The following MTSS1 variants were observed in gnomAD, a reference collection of about 807,000 sequenced individuals.
MTSS1 encodes protein MTSS 1.
Under a neutral mutation model 79.0 loss-of-function variants are expected in MTSS1, and 18 were observed. The observed-to-expected ratio is 0.23, with a 90% CI of 0.16 to 0.34. The LOEUF is 0.34. MTSS1 is among the 10% of genes least tolerant of loss of function. MTSS1 has a pLI of 1.00. For missense variants in MTSS1, 815 were observed against 986.2 expected, an observed-to-expected ratio of 0.83 and a Z score of 2.33; for synonymous variants, 341 against 368.6, an observed-to-expected ratio of 0.93 and a Z score of 0.86.
rs1451315239 is a variant in MTSS1, at chr8:124,582,518, G to A, written c.460+2569C>T. Among the ~76,000 whole-genome samples the A allele has an allele frequency of 6.6e-6, 1 of 151,782 alleles. No homozygotes were observed. The highest frequency in any genetic ancestry group is 1.5e-5 in the Non-Finnish European group (1 of 67,940). On this transcript the variant is annotated intron_variant, in intron 6 of 13. Transcript: ENST00000518547. This position sits in a 1 kb window ranked among gnomAD's most constrained non-coding sequence, Gnocchi z 4.8. ...GAGAATTTTTAGATCAAAGATCAGA[G>A]TTTTTGAAAAAGGCATGGCAGGAAG...
At chr8:124,704,782 C>A (rs1830168652) in intron 1 of MTSS1, among the ~76,000 whole-genome samples, 1 of 152,212 alleles carries the variant, frequency 6.6e-6, no homozygotes, top group South Asian at 2.1e-4. Flanking sequence ...TATTATCAGC[C>A]ACCCTGTCCT....
chr8:124,558,943 CAGAG>C (rs1824647724), intron 10 of MTSS1: 8 of 1,363,844 alleles, frequency 5.9e-6, no homozygotes, highest in African/African-American at 2.9e-5. Flanking sequence ...AGGGCACACA[CAGAG>C]AGAAAGAGAC....
At chr8:124,704,521 A>C (rs1404796381) in intron 1 of MTSS1, among the ~76,000 whole-genome samples, 1 of 152,210 alleles carries the variant, frequency 6.6e-6, no homozygotes, top group African/African-American at 2.4e-5. Flanking sequence ...CCACTTGTTC[A>C]TGAAACATGG....
chr8:124,611,634 G>C (rs1835842593), intron 3 of MTSS1, among the ~76,000 whole-genome samples: 1 of 152,140 alleles, frequency 6.6e-6, no homozygotes, highest in South Asian at 2.1e-4. Flanking sequence ...GCATCTTTCA[G>C]TAATCACTCC....
chr8:124,667,410 C>A (rs920375284), intron 3 of MTSS1, among the ~76,000 whole-genome samples: 2 of 151,732 alleles, frequency 1.3e-5, no homozygotes, highest in African/African-American at 2.4e-5. Context: ...TTCGGGAGGC[C>A]GAGGCGGGTG....
intron 4 of MTSS1, among the ~76,000 whole-genome samples, chr8:124,590,505 G>T (rs757796429): frequency 6.6e-6 from 1 of 152,224 alleles, no homozygotes; most frequent in African/African-American, 2.4e-5. Context: ...TTCTCGAGCT[G>T]CACTGCCAGC....
intron 10 of MTSS1, among the ~76,000 whole-genome samples, chr8:124,559,486 A>T (rs1261111233): frequency 6.6e-6 from 1 of 152,152 alleles, no homozygotes; most frequent in Non-Finnish European, 1.5e-5. Flanking sequence ...TGGTCAGCAC[A>T]ATGTTTCTGG....
intron 5 of MTSS1, among the ~76,000 whole-genome samples, chr8:124,587,643 C>T (rs754907672): frequency 1.3e-5 from 2 of 152,112 alleles, no homozygotes; most frequent in African/African-American, 2.4e-5. Context: ...GGATTACAGG[C>T]GCATGCCACC....
intron 3 of MTSS1, among the ~76,000 whole-genome samples, chr8:124,682,030 A>G (rs2134995923): frequency 6.6e-6 from 1 of 152,350 alleles, no homozygotes. Flanking sequence ...TACAGATGAG[A>G]AAACAGGTAC....
chr8:124,583,112 C>T lies in MTSS1; in HGVS notation c.460+1975G>A, dbSNP rs58414149. On this transcript the variant is annotated intron_variant, in intron 6 of 13. Coordinates refer to ENST00000518547, the MANE Select transcript of MTSS1 (RefSeq NM_014751.6). The stretch of plus-strand genomic sequence containing the variant: ...TCCAAGCTATGGATCTGACCGATCT[C>T]GTGGACCTAAGTCCACCGTGTGGAA... Among the ~76,000 whole-genome samples the T allele has an allele frequency of 1.9e-3, 295 of 152,296 alleles. 4 individuals carry two copies. The East Asian group carries it at 0.051, about 26-fold the overall frequency.
At chr8:124,652,522 T>C (rs1485668826) in intron 3 of MTSS1, among the ~76,000 whole-genome samples, 6 of 152,056 alleles carry the variant, frequency 3.9e-5, no homozygotes, top group Non-Finnish European at 7.4e-5. Context: ...CAAGCCACAA[T>C]GTAAGCCACA....
At chr8:124,569,515 C>G (rs897300304) in intron 6 of MTSS1, among the ~76,000 whole-genome samples, 6 of 152,174 alleles carry the variant, frequency 3.9e-5, no homozygotes, top group African/African-American at 1.4e-4. Context: ...GCAGCTACTA[C>G]AAATCTGATC....
At chr8:124,723,488 G>A (rs1203401861) in intron 1 of MTSS1, among the ~76,000 whole-genome samples, 1 of 136,852 alleles carries the variant, frequency 7.3e-6, no homozygotes, top group African/African-American at 2.8e-5. Flanking sequence ...TGACTAAATA[G>A]TAAAGGGTTT....
At chr8:124,655,529 T>A (rs1220052291) in intron 3 of MTSS1, among the ~76,000 whole-genome samples, 3 of 152,222 alleles carry the variant, frequency 2.0e-5, no homozygotes, top group Non-Finnish European at 4.4e-5. Context: ...AATAGTCATC[T>A]GGCACCACGC....
At chr8:124,558,612 AT>A in intron 10 of MTSS1, 1 of 1,404,436 alleles carries the variant, frequency 7.1e-7, no homozygotes, top group Non-Finnish European at 9.3e-7. Context: ...CTTGGTGTCG[AT>A]TCTGAGCTTC....
chr8:124,649,712 C>T (rs1819613503), intron 3 of MTSS1, among the ~76,000 whole-genome samples: 1 of 152,124 alleles, frequency 6.6e-6, no homozygotes. Flanking sequence ...ACTGCTATGA[C>T]CTCGAAAAGA....
At chr8:124,557,110 G>A (rs1031965820) in intron 11 of MTSS1, among the ~76,000 whole-genome samples, 10 of 152,154 alleles carry the variant, frequency 6.6e-5, no homozygotes, top group African/African-American at 2.2e-4. Context: ...TTCAAAGTTC[G>A]TCTTTATATT....
intron 5 of MTSS1, among the ~76,000 whole-genome samples, chr8:124,585,982 T>G (rs1193764706): frequency 6.6e-6 from 1 of 152,092 alleles, no homozygotes; most frequent in Non-Finnish European, 1.5e-5. Context: ...ATGAATCCTG[T>G]GGCTAGATAC....
chr8:124,688,807 A>C (rs1827454037), intron 3 of MTSS1, among the ~76,000 whole-genome samples: 1 of 152,192 alleles, frequency 6.6e-6, no homozygotes, highest in Non-Finnish European at 1.5e-5. Context: ...GAAATCACGC[A>C]ATAGAAAACC....
Sources: gnomAD v4.1 joint callset for allele counts (sites outside exome capture counted in the v4.1 genomes callset) on GRCh38, gnomAD v4.1.1 for gene constraint, Gnocchi (gnomAD v3.1) non-coding constraint, MANE v1.5 for transcripts, NCBI Gene and HGNC (gene_info 2026-07-23, HGNC 2026-07-21) for gene names.